Variants in PRELID2 observed in about 807,000 individuals in gnomAD.
PRELID2 encodes PRELI domain containing 2.
A neutral mutation model predicts 28.4 loss-of-function variants in PRELID2; 25 were observed. The ratio of observed to expected loss-of-function variants is 0.88; its 90% CI spans 0.64 to 1.23. The LOEUF (loss-of-function observed/expected upper bound fraction) is 1.23. PRELID2 is among the 50% of genes most tolerant of loss of function. PRELID2 has a pLI of 0.00. For synonymous variants in PRELID2, 76 were observed against 71.6 expected, an observed-to-expected ratio of 1.06 and a Z score of -0.31; for missense variants, 201 against 214.4, an observed-to-expected ratio of 0.94 and a Z score of 0.39.
At chr5:145,419,487 T>G in the PRELID2 span, among the ~76,000 whole-genome samples, 2 of 127,668 alleles carry the variant, frequency 1.6e-5, no homozygotes, top group South Asian at 3.1e-4. Flanking sequence ...CCAGTGATGA[T>G]GAGCATTTTT....
At chr5:145,542,494 G>A (rs1050569139) in intron 1 of PRELID2, among the ~76,000 whole-genome samples, 1 of 152,058 alleles carries the variant, frequency 6.6e-6, no homozygotes, top group Non-Finnish European at 1.5e-5. Flanking sequence ...CCAACATTGC[G>A]CTCATGGTAC....
chr5:145,534,311 G>C (rs1319226841), intron 1 of PRELID2, among the ~76,000 whole-genome samples: 2 of 151,888 alleles, frequency 1.3e-5, no homozygotes, highest in Admixed American at 1.3e-4. Context: ...TGTGTTTCTT[G>C]AGAAACACAG....
chr5:145,414,325 C>T, the PRELID2 span, among the ~76,000 whole-genome samples: 5 of 152,156 alleles, frequency 3.3e-5, no homozygotes, highest in African/African-American at 9.7e-5. Context: ...ATTTGATTGG[C>T]TGCTCTTGTT....
chr5:145,270,416 A>G, the PRELID2 span, among the ~76,000 whole-genome samples: 1 of 152,148 alleles, frequency 6.6e-6, no homozygotes, highest in Non-Finnish European at 1.5e-5. Context: ...CACTTTTTAC[A>G]TAAGTATAAC....
At chr5:145,422,749 T>G in the PRELID2 span, among the ~76,000 whole-genome samples, 3 of 152,184 alleles carry the variant, frequency 2.0e-5, no homozygotes, top group East Asian at 1.9e-4. Context: ...AAAGTTAATA[T>G]TGTTATGTGT....
In PRELID2 at chr5:145,745,866, A is replaced by AAAAAAAAATG. The variant is rs1554088709; in HGVS notation, n.70+19064_70+19065insCATTTTTTTT. Among the ~76,000 whole-genome samples, 150 of 150,986 alleles carry AAAAAAAAATG rather than the reference A, an allele frequency of 9.9e-4. 2 individuals carry two copies. Among genetic ancestry groups the AAAAAAAAATG allele is most frequent in the African/African-American group, 3.4e-3 (138 of 41,064 alleles). On this transcript the variant is annotated intron_variant and non_coding_transcript_variant, in intron 1 of 2. Coordinates refer to the PRELID2 transcript ENST00000510259. ...GATAAGAGTGAAACTTCATCTCAAA[A>AAAAAAAAATG]AAAAAAATGAAAAGAATTTTCAATC... is the stretch of plus-strand genomic sequence containing the variant.
chr5:145,698,857 G>C (rs1344822460), intron 1 of PRELID2, among the ~76,000 whole-genome samples: 5 of 152,194 alleles, frequency 3.3e-5, no homozygotes, highest in African/African-American at 1.2e-4. Context: ...CTTCCAAGTA[G>C]CTGGGATTAC....
intron 1 of PRELID2, among the ~76,000 whole-genome samples, chr5:145,584,193 A>G (rs977902403): frequency 6.6e-6 from 1 of 152,160 alleles, no homozygotes; most frequent in Non-Finnish European, 1.5e-5. Context: ...TAGGGAAAGG[A>G]TTCCCTATTT....
chr5:145,713,326 G>A (rs1253943348), intron 1 of PRELID2, among the ~76,000 whole-genome samples: 1 of 131,594 alleles, frequency 7.6e-6, no homozygotes, highest in Non-Finnish European at 1.6e-5. Flanking sequence ...GCATACAAGA[G>A]AACTCTAAGA....
At chr5:145,253,985 T>G in the PRELID2 span, among the ~76,000 whole-genome samples, 3 of 152,216 alleles carry the variant, frequency 2.0e-5, no homozygotes, top group South Asian at 4.1e-4. Flanking sequence ...GTATCTCATA[T>G]GATTATTGTA....
intron 1 of PRELID2, among the ~76,000 whole-genome samples, chr5:145,644,031 G>A (rs11949929): frequency 0.13 from 20,196 of 152,064 alleles, 3,806 homozygotes; most frequent in African/African-American, 0.42. Flanking sequence ...GCCTCATAAA[G>A]TGAGTTAGGG....
intron 1 of PRELID2, among the ~76,000 whole-genome samples, chr5:145,651,436 T>C (rs142464787): frequency 0.016 from 2,453 of 152,250 alleles, 69 homozygotes; most frequent in African/African-American, 0.056. Flanking sequence ...GAGTCTGAGA[T>C]CTGAGAACAG....
At position 145,802,261 on chromosome 5, in the gene PRELID2, T is replaced by C. The variant is rs186850082; in HGVS notation, c.369-5714A>G. Among the ~76,000 whole-genome samples, 4 of 152,338 alleles carry C rather than the reference T, an allele frequency of 2.6e-5. No individual in the cohort carries two copies. The East Asian group carries it at 5.8e-4, about 22-fold the overall frequency. On this transcript the variant is annotated intron_variant, in intron 4 of 6. Coordinates refer to ENST00000683046, the MANE Select transcript of PRELID2 (RefSeq NM_205846.3). ...AACAGTGCTGTTATGAAAATGCTTA[T>C]AATGTAACCAGATATATATGTGCAC...
At chr5:145,826,289 T>G (rs777135391) in intron 1 of PRELID2, 4 of 515,028 alleles carry the variant, frequency 7.8e-6, no homozygotes, top group Non-Finnish European at 1.0e-5. Context: ...GATTCTTCAA[T>G]CCCCATTTCA....
At chr5:145,511,789 A>G (rs1183848322) in intron 1 of PRELID2, among the ~76,000 whole-genome samples, 1 of 152,192 alleles carries the variant, frequency 6.6e-6, no homozygotes, top group Non-Finnish European at 1.5e-5. Flanking sequence ...TAACAACTCA[A>G]TGGTCAGAAA....
intron 1 of PRELID2, among the ~76,000 whole-genome samples, chr5:145,723,646 G>C (rs1756052517): frequency 6.6e-6 from 1 of 152,118 alleles, no homozygotes; most frequent in Admixed American, 6.5e-5. Context: ...ATGACACTGA[G>C]ATACCATTTC....
chr5:145,342,790 A>G, the PRELID2 span, among the ~76,000 whole-genome samples: 1 of 151,616 alleles, frequency 6.6e-6, no homozygotes, highest in Non-Finnish European at 1.5e-5. Context: ...GTAAAGATAC[A>G]TATAGACTGA....
the PRELID2 span, among the ~76,000 whole-genome samples, chr5:145,300,960 C>T: frequency 6.6e-6 from 1 of 151,936 alleles, no homozygotes; most frequent in Non-Finnish European, 1.5e-5. Flanking sequence ...TCCCATCAAA[C>T]CCATTATGTA....
At chr5:145,441,739 C>T in the PRELID2 span, among the ~76,000 whole-genome samples, 1 of 152,122 alleles carries the variant, frequency 6.6e-6, no homozygotes, top group East Asian at 1.9e-4. Flanking sequence ...ACAGCCTCCA[C>T]CGCCACACAT....
Sources: gnomAD v4.1 joint callset for allele counts (sites outside exome capture counted in the v4.1 genomes callset) on GRCh38, gnomAD v4.1.1 for gene constraint, MANE v1.5 for transcripts, NCBI Gene and HGNC (gene_info 2026-07-23, HGNC 2026-07-21) for gene names.